LRRC1: variants seen among roughly 807,000 people sequenced by gnomAD.
LRRC1 encodes leucine rich repeat containing 1, also known as leucine-rich repeat-containing protein 1.
LRRC1 carries 28 observed loss-of-function variants against 69.9 expected under a neutral mutation model. The ratio of observed to expected loss-of-function variants is 0.40; its 90% CI spans 0.30 to 0.55. The LOEUF is 0.55. LRRC1 is among the 20% of genes least tolerant of loss of function. The pLI is 0.47. For synonymous variants in LRRC1, 236 were observed against 240.2 expected (o/e 0.98, Z 0.16); for missense variants, 498 against 609.0 (o/e 0.82, Z 1.92).
At chr6:53,902,785 A>G (rs1768099995) in intron 9 of LRRC1, 38 bp downstream of exon 9, 1 of 1,267,042 alleles carries the variant, frequency 7.9e-7, no homozygotes, top group Non-Finnish European at 1.1e-6. Flanking sequence ...AAGACTTACT[A>G]GGGTAGATTC....
intron 2 of LRRC1, among the ~76,000 whole-genome samples, chr6:53,850,058 A>AT (rs1394284947): frequency 3.8e-5 from 3 of 78,622 alleles, no homozygotes; most frequent in Admixed American, 3.5e-4. Context: ...TCATAATAAG[A>AT]TTTCTTTTTT....
rs1176801785 is a variant in LRRC1, at chr6:53,835,526, TTAAC to T, written c.160-6580_160-6577del. Among the ~76,000 whole-genome samples the T allele has an allele frequency of 8.5e-5, 13 of 152,352 alleles. 1 individual carries two copies. Among genetic ancestry groups the T allele is most frequent in the Non-Finnish European group, 1.5e-5 (1 of 68,026 alleles). ...CAAAAAGTGTCTCATTCACGCTTAT[TTAAC>T]TAATACTTATTTATGAGTGTTTGCT... On this transcript the variant is annotated intron_variant, in intron 1 of 13. Coordinates refer to ENST00000370888, the MANE Select transcript of LRRC1 (RefSeq NM_018214.5).
intron 1 of LRRC1, among the ~76,000 whole-genome samples, chr6:53,796,190 C>G (rs1764296935): frequency 6.6e-6 from 1 of 152,250 alleles, no homozygotes; most frequent in South Asian, 2.1e-4. Context: ...CTGACTTTCT[C>G]TCCTTGCAGT....
In LRRC1 at chr6:53,795,141, A is replaced by G. The variant is rs1764248515; in HGVS notation, c.-116A>G. On this transcript the variant is annotated 5_prime_UTR_variant, in exon 1 of 14. Coordinates refer to ENST00000370888, the MANE Select transcript of LRRC1 (RefSeq NM_018214.5). ...CCGGCGCGAGAAGCGAGCTAACCCAAGAGCCAACAACGAGCGCGGAGAGGG... is the reference window on the plus strand; with the variant it reads ...CCGGCGCGAGAAGCGAGCTAACCCAGGAGCCAACAACGAGCGCGGAGAGGG... The G allele has an allele frequency of 1.2e-5, 11 of 925,960 alleles. No individual in the cohort carries two copies. The South Asian group carries it at 1.9e-4, about 16-fold the overall frequency. The allele number at this position is 925,960 out of a possible 1,614,324, so 57.4% of individuals were successfully genotyped here.
At chr6:53,888,351 A>G (rs114160588) in intron 4 of LRRC1, among the ~76,000 whole-genome samples, 2,598 of 152,346 alleles carry the variant, frequency 0.017, 36 homozygotes, top group Non-Finnish European at 0.029. Context: ...AAACAATTCT[A>G]TTTACAAAAC....
chr6:53,901,556 A>G lies in LRRC1; in HGVS notation c.788-1073A>G, dbSNP rs371280142. Reference sequence around the variant, plus strand: ...GTGAGGCCCTGTCTCTTAAAAAAAAAAAAAGCAAAGATATGTTACAAATCA... The same window carrying G: ...GTGAGGCCCTGTCTCTTAAAAAAAAGAAAAGCAAAGATATGTTACAAATCA... On this transcript the variant is annotated intron_variant, in intron 8 of 13. Transcript: ENST00000370888. Among the ~76,000 whole-genome samples the G allele has an allele frequency of 6.0e-3, 909 of 152,250 alleles. 7 individuals are homozygous for G. Among genetic ancestry groups the G allele is most frequent in the African/African-American group, 0.021 (863 of 41,548 alleles).
chr6:53,922,891 C>G lies in LRRC1; in HGVS notation c.*98C>G. The G allele has an allele frequency of 1.7e-6, 2 of 1,157,364 alleles. No individual in the cohort carries two copies. Among genetic ancestry groups the G allele is most frequent in the Non-Finnish European group, 2.5e-6 (2 of 813,532 alleles). The allele number at this position is 1,157,364 out of a possible 1,614,324, so 71.7% of individuals were successfully genotyped here. A position where few individuals can be genotyped will look rare whatever the true frequency, so the allele number is the denominator to read the frequency against. Reference sequence around the variant, plus strand: ...CTCACGTGCTCCTTGTCCTAACCAGCCCCCGCGCGCCATCTTCCCGTGGAG... The same window carrying G: ...CTCACGTGCTCCTTGTCCTAACCAGGCCCCGCGCGCCATCTTCCCGTGGAG... On this transcript the variant is annotated 3_prime_UTR_variant, in exon 14 of 14. Transcript: ENST00000370888.
At chr6:53,897,512 A>C (rs926286422) in intron 7 of LRRC1, among the ~76,000 whole-genome samples, 153 bp downstream of exon 7, 2 of 152,202 alleles carry the variant, frequency 1.3e-5, no homozygotes, top group Non-Finnish European at 2.9e-5. Context: ...CATATTGAGC[A>C]TGCATCATTC....
At chr6:53,868,036 A>G (rs1203865441) in intron 2 of LRRC1, among the ~76,000 whole-genome samples, 1 of 152,040 alleles carries the variant, frequency 6.6e-6, no homozygotes, top group Non-Finnish European at 1.5e-5. Context: ...TTTGGGTTAC[A>G]TTCCTTAATG....
At chr6:53,907,034 G>A (rs1427650173) in intron 10 of LRRC1, among the ~76,000 whole-genome samples, 2 of 152,202 alleles carry the variant, frequency 1.3e-5, no homozygotes, top group Non-Finnish European at 2.9e-5. Context: ...ACCAGCAAGA[G>A]CCTCCTGACC....
At chr6:53,852,789 C>CA (rs1766181267) in intron 2 of LRRC1, among the ~76,000 whole-genome samples, 1 of 152,096 alleles carries the variant, frequency 6.6e-6, no homozygotes, top group South Asian at 2.1e-4. Context: ...TTTAAACTTG[C>CA]AAAAAAACCC....
intron 2 of LRRC1, among the ~76,000 whole-genome samples, chr6:53,866,373 A>AGT (rs2127425153): frequency 6.6e-6 from 1 of 152,276 alleles, no homozygotes; most frequent in South Asian, 2.1e-4. Context: ...CTGGCTGTGG[A>AGT]GTCAGTCTTG....
rs1027758169 is a variant in LRRC1 at position 53,896,499 on chromosome 6, C to G, written c.448C>G (p.Leu150Val). 6.2e-7 allele frequency: 1 copy of G among 1,612,344 alleles called. No homozygotes were observed. Among genetic ancestry groups the G allele is most frequent in the African/African-American group, 1.3e-5 (1 of 74,814 alleles). Residue 150 changes from leucine (L) to valine (V), a missense_variant and splice_region_variant, in exon 5 of 14, where the codon CTT becomes GTT. Physicochemically the swap from Leu to Val is conservative, Grantham distance 32 (BLOSUM62 1). Coordinates refer to ENST00000370888, the MANE Select transcript of LRRC1 (RefSeq NM_018214.5). ...TTTTTTCCTTCTGTTCATTTCTAGT[C>G]TTTATAACCTGGCTTCACTGGAACT... Reference protein sequence around the residue: ...LQSLPENIGNLYNLASLELRE... With the variant: ...LQSLPENIGNVYNLASLELRE...
At chr6:53,861,544 T>C (rs893566259) in intron 2 of LRRC1, among the ~76,000 whole-genome samples, 1 of 151,488 alleles carries the variant, frequency 6.6e-6, no homozygotes, top group African/African-American at 2.4e-5. Flanking sequence ...ATGATTCTTT[T>C]GTGCTCTGAA....
intron 10 of LRRC1, among the ~76,000 whole-genome samples, chr6:53,907,334 A>G (rs115779363): frequency 0.028 from 4,314 of 152,158 alleles, 91 homozygotes; most frequent in Non-Finnish European, 0.043. Flanking sequence ...AGTTCTTCCT[A>G]TATTTTTTCC....
chr6:53,834,959 C>T (rs1221312291), intron 1 of LRRC1, among the ~76,000 whole-genome samples: 1 of 152,136 alleles, frequency 6.6e-6, no homozygotes, highest in African/African-American at 2.4e-5. Flanking sequence ...GAGACTCCGT[C>T]TCAAAAAATA....
chr6:53,848,898 C>T (rs1359098764), intron 2 of LRRC1, among the ~76,000 whole-genome samples: 1 of 152,062 alleles, frequency 6.6e-6, no homozygotes, highest in East Asian at 1.9e-4. Flanking sequence ...GCTGAGATTA[C>T]AGGCGTGTGC....
chr6:53,835,201 C>A (rs1296533052), intron 1 of LRRC1, among the ~76,000 whole-genome samples: 2 of 152,164 alleles, frequency 1.3e-5, no homozygotes, highest in Non-Finnish European at 2.9e-5. Context: ...ATTTTCATCA[C>A]CCAAAAGAAA....
rs531548814 is a variant in LRRC1 at position 53,900,169 on chromosome 6, C to A, written c.787+278C>A. 5.3e-5 allele frequency among the ~76,000 whole-genome samples: 8 copies of A among 151,982 alleles called. No homozygotes were observed. In the East Asian group the frequency reaches 1.4e-3, roughly 26 times the overall value. Reference sequence around the variant, plus strand: ...TCTCCTGCCTCAGCCTCCCGAATAGCTGGGACCACAGGCGCCCGCCACCAC... The same window carrying A: ...TCTCCTGCCTCAGCCTCCCGAATAGATGGGACCACAGGCGCCCGCCACCAC... On this transcript the variant is annotated intron_variant, in intron 8 of 13. Coordinates refer to ENST00000370888, the MANE Select transcript of LRRC1 (RefSeq NM_018214.5).
Sources: gnomAD v4.1 joint callset for allele counts (sites outside exome capture counted in the v4.1 genomes callset) on GRCh38, gnomAD v4.1.1 for gene constraint, MANE v1.5 for transcripts, NCBI Gene and HGNC (gene_info 2026-07-23, HGNC 2026-07-21) for gene names.